Variants in STK39 observed in about 807,000 individuals in gnomAD.
STK39 encodes serine/threonine kinase 39, also known as STE20/SPS1-related proline-alanine-rich protein kinase.
STK39 carries 20 observed loss-of-function variants against 77.8 expected under a neutral mutation model. The observed-to-expected ratio is 0.26, with a 90% confidence interval of 0.18 to 0.37. The LOEUF is 0.37. Ranked by LOEUF, STK39 falls within the 10% of genes least tolerant of loss-of-function variation. The probability of loss-of-function intolerance (pLI) is 1.00; values close to 1 mark genes in which losing one functional copy is unlikely to be tolerated. For synonymous variants in STK39, 246 were observed against 234.1 expected, an observed-to-expected ratio of 1.05 and a Z score of -0.47; for missense variants, 479 against 656.5, an observed-to-expected ratio of 0.73 and a Z score of 2.95.
At position 168,247,243 on chromosome 2, in the gene STK39, G is replaced by A. The variant is rs1690945464; in HGVS notation, c.193C>T (p.Leu65=). 10 of 1,164,236 alleles carry A rather than the reference G, an allele frequency of 8.6e-6. No homozygotes were observed. The highest frequency in any genetic ancestry group is 2.9e-5 in the South Asian group (1 of 34,370). The allele number at this position is 1,164,236 out of a possible 1,614,324, so 72.1% of individuals were successfully genotyped here. ...CCGCACTGACCGATAACCTCCTGCA[G>A]CTCGTACGCGTCCCTGCAGATGGGC... ...GWPICRDAYE[L]QEVIGSGATA... Residue 65 remains leucine (L), a synonymous_variant, in exon 1 of 18, where the codon CTG becomes TTG. Transcript: ENST00000355999.
At chr2:168,018,534 AAAGAAAAGAAAGAAAGAAAG>A (rs1559059400) in intron 14 of STK39, among the ~76,000 whole-genome samples, 100 of 73,662 alleles carry the variant, frequency 1.4e-3, no homozygotes, top group African/African-American at 7.0e-3. Flanking sequence ...GAAAGAAAAG[AAAGAAAAGAAAGAAAGAAAG>A]AAAGAAAGAA....
At chr2:168,215,493 C>A (rs926206764) in intron 1 of STK39, among the ~76,000 whole-genome samples, 1 of 152,174 alleles carries the variant, frequency 6.6e-6, no homozygotes, top group Admixed American at 6.5e-5. Context: ...CTCCTTGGAC[C>A]TTCTGACTCC....
intron 16 of STK39, among the ~76,000 whole-genome samples, chr2:167,975,724 G>C (rs1683259714): frequency 6.6e-6 from 1 of 152,222 alleles, no homozygotes; most frequent in South Asian, 2.1e-4. Context: ...TTAGGCAGGA[G>C]AATGCCGCAA....
intron 16 of STK39, among the ~76,000 whole-genome samples, chr2:168,001,267 A>AT (rs1268385652): frequency 7.4e-6 from 1 of 134,368 alleles, no homozygotes; most frequent in African/African-American, 2.9e-5. Context: ...TTGGAAACAC[A>AT]TCAAAAAAAA....
intron 16 of STK39, among the ~76,000 whole-genome samples, chr2:167,967,134 C>T (rs761208872): frequency 6.6e-6 from 1 of 152,174 alleles, no homozygotes; most frequent in Non-Finnish European, 1.5e-5. Flanking sequence ...GTAAGACACT[C>T]GAGTTTCTGG....
intron 16 of STK39, among the ~76,000 whole-genome samples, chr2:168,009,943 A>G (rs774396893): frequency 1.3e-5 from 2 of 152,214 alleles, no homozygotes; most frequent in Non-Finnish European, 2.9e-5. Flanking sequence ...AACAACAACA[A>G]CAATAAAACC....
At chr2:168,090,197 A>G (rs1686480045) in intron 10 of STK39, among the ~76,000 whole-genome samples, 1 of 152,352 alleles carries the variant, frequency 6.6e-6, no homozygotes, top group South Asian at 2.1e-4. Flanking sequence ...GGAAGTGGGA[A>G]AGCATGTATC....
At chr2:168,244,729 G>T (rs527681774) in intron 1 of STK39, among the ~76,000 whole-genome samples, 2 of 152,232 alleles carry the variant, frequency 1.3e-5, no homozygotes, top group South Asian at 4.1e-4. Flanking sequence ...CAATAACAGG[G>T]CCTCCACACA....
chr2:168,094,547 A>G (rs1686611514), intron 10 of STK39, among the ~76,000 whole-genome samples: 1 of 152,188 alleles, frequency 6.6e-6, no homozygotes, highest in Non-Finnish European at 1.5e-5. Flanking sequence ...ATGAAAAACA[A>G]GCTAAATCCA....
chr2:167,991,194 C>T (rs1683692366), intron 16 of STK39, among the ~76,000 whole-genome samples: 1 of 152,164 alleles, frequency 6.6e-6, no homozygotes. Flanking sequence ...CACACATGTG[C>T]TTTCTTTCAA....
At chr2:168,239,564 C>T (rs59734925) in intron 1 of STK39, among the ~76,000 whole-genome samples, 4 of 152,176 alleles carry the variant, frequency 2.6e-5, no homozygotes, top group Admixed American at 6.5e-5. Flanking sequence ...CTAAATAAAC[C>T]CCATCATTAA....
At chr2:168,046,516 C>T (rs759129949) in intron 14 of STK39, among the ~76,000 whole-genome samples, 1 of 152,218 alleles carries the variant, frequency 6.6e-6, no homozygotes, top group Non-Finnish European at 1.5e-5. Context: ...TGGCCCACAT[C>T]AAGCCATCTT....
chr2:168,245,191 A>G (rs754352681), intron 1 of STK39, among the ~76,000 whole-genome samples: 24 of 152,224 alleles, frequency 1.6e-4, no homozygotes, highest in Non-Finnish European at 2.9e-4. Flanking sequence ...GAAATAATTA[A>G]GCACCTTACA....
intron 14 of STK39, among the ~76,000 whole-genome samples, chr2:168,061,296 C>T (rs997069051): frequency 6.7e-6 from 1 of 149,666 alleles, no homozygotes; most frequent in Admixed American, 6.6e-5. Context: ...GCTCAGACCA[C>T]ATCTGGAATC....
At position 167,954,624 on chromosome 2, in the gene STK39, C is replaced by T. The variant is rs1015456960; in HGVS notation, c.*872G>A. 4 of 152,626 alleles carry T rather than the reference C, an allele frequency of 2.6e-5. No homozygotes were observed. The highest frequency in any genetic ancestry group is 9.7e-5 in the African/African-American group (4 of 41,440). 9.5% of individuals were successfully genotyped at this position (152,626 alleles called of 1,614,324 possible). A position where few individuals can be genotyped will look rare whatever the true frequency, so the allele number is the denominator to read the frequency against. On this transcript the variant is annotated 3_prime_UTR_variant, in exon 18 of 18. Transcript: ENST00000355999. Reference sequence around the variant, plus strand: ...AACGGTCCAATGAAGCAAAACTTAACATATGCCACCTTATATAGAGGAAAT... The same window carrying T: ...AACGGTCCAATGAAGCAAAACTTAATATATGCCACCTTATATAGAGGAAAT...
chr2:168,180,686 T>C (rs1689063435), intron 2 of STK39, among the ~76,000 whole-genome samples: 1 of 152,164 alleles, frequency 6.6e-6, no homozygotes, highest in African/African-American at 2.4e-5. Flanking sequence ...AGGCACAATA[T>C]TACTGGTCAC....
chr2:168,164,364 G>T (rs1688647122), intron 3 of STK39, among the ~76,000 whole-genome samples: 1 of 152,090 alleles, frequency 6.6e-6, no homozygotes, highest in African/African-American at 2.4e-5. Flanking sequence ...ATAACCGGAA[G>T]ATTCCTTCCT....
Position 168,089,758 on chromosome 2 carries a change from C to G in STK39, c.1090-14527G>C, listed in dbSNP as rs187303820. 2.8e-3 allele frequency among the ~76,000 whole-genome samples: 422 copies of G among 152,286 alleles called. 1 individual carries two copies. Among genetic ancestry groups the G allele is most frequent in the African/African-American group, 9.4e-3 (389 of 41,552 alleles). ...CCTCCCGAGTAGCTGGGATTACAGG[C>G]GCCCGCCACCACGCCCAGCTAACTT... is the stretch of plus-strand genomic sequence containing the variant. On this transcript the variant is annotated intron_variant, in intron 10 of 17. Coordinates refer to ENST00000355999, the MANE Select transcript of STK39 (RefSeq NM_013233.3).
At chr2:168,022,704 T>C (rs974143714) in intron 14 of STK39, among the ~76,000 whole-genome samples, 3 of 152,218 alleles carry the variant, frequency 2.0e-5, no homozygotes, top group African/African-American at 7.2e-5. Flanking sequence ...CTGCTGATAG[T>C]AATAAACCGA....
Sources: gnomAD v4.1 joint callset for allele counts (sites outside exome capture counted in the v4.1 genomes callset) on GRCh38, gnomAD v4.1.1 for gene constraint, MANE v1.5 for transcripts, NCBI Gene and HGNC (gene_info 2026-07-23, HGNC 2026-07-21) for gene names.